The following ATP2A1 variants were observed in gnomAD, a reference collection of about 807,000 sequenced individuals.
ATP2A1 encodes ATPase sarcoplasmic/endoplasmic reticulum Ca2+ transporting 1.
A neutral mutation model predicts 109.5 loss-of-function variants in ATP2A1; 83 were observed. That is an observed-to-expected ratio of 0.76 (90% CI 0.63 to 0.91). ATP2A1 has a LOEUF of 0.91. Ranked by LOEUF, ATP2A1 falls within the 40% of genes least tolerant of loss-of-function variation. ATP2A1 has a pLI of 0.00. For synonymous variants in ATP2A1, 505 were observed against 537.6 expected (o/e 0.94, Z 0.84); for missense variants, 1,101 against 1,341.0 (o/e 0.82, Z 2.80).
intron 10 of ATP2A1, 100 bp from the exon 11 acceptor site, chr16:28,894,405 C>A (rs866473543): frequency 7.5e-7 from 1 of 1,336,916 alleles, no homozygotes; most frequent in Admixed American, 2.0e-5. Context: ...CACTGTCCTT[C>A]CTTACCCTCT....
chr16:28,884,295 G>C (rs1963561150), intron 5 of ATP2A1, among the ~76,000 whole-genome samples: 1 of 152,132 alleles, frequency 6.6e-6, no homozygotes, highest in Non-Finnish European at 1.5e-5. Flanking sequence ...CCTTCTCAGG[G>C]CTCACAGCCA....
rs199562943 is a variant in ATP2A1 at position 28,903,685 on chromosome 16, C to A, written c.2981-15C>A. 8.7e-6 allele frequency: 14 copies of A among 1,612,350 alleles called. No individual in the cohort carries two copies. Among genetic ancestry groups the A allele is most frequent in the African/African-American group, 4.0e-5 (3 of 74,886 alleles). ...CTGCCTTGATAACAGTGCCTCTTGT[C>A]CTCTCTGGCCATAGGATAACTGTTC... On this transcript the variant is annotated splice_polypyrimidine_tract_variant and intron_variant, in intron 21 of 22. Transcript: ENST00000395503. This position sits in a 1 kb window ranked among gnomAD's most constrained non-coding sequence, Gnocchi z 5.6.
intron 5 of ATP2A1, among the ~76,000 whole-genome samples, chr16:28,884,254 T>C (rs180712438): frequency 3.7e-4 from 56 of 152,268 alleles, no homozygotes; most frequent in Middle Eastern, 3.4e-3. Flanking sequence ...ATTGAGCATG[T>C]ACTATGTGCT....
chr16:28,884,469 C>G lies in ATP2A1; in HGVS notation c.464-106C>G. On this transcript the variant is annotated intron_variant, in intron 5 of 22. Coordinates refer to ENST00000395503, the MANE Select transcript of ATP2A1 (RefSeq NM_004320.6). ...CAAGCCCTGGGAGCCTCCCTGAGAC[C>G]TGAAGGATGGATGAGGAGAACGAGT... 2.6e-6 allele frequency: 3 copies of G among 1,145,818 alleles called. No homozygotes were observed. In the South Asian group the frequency reaches 3.8e-5, roughly 15 times the overall value. 71.0% of individuals were successfully genotyped at this position (1,145,818 alleles called of 1,614,324 possible). A position where few individuals can be genotyped will look rare whatever the true frequency, so the allele number is the denominator to read the frequency against.
chr16:28,903,200 C>CGG lies in ATP2A1; in HGVS notation c.2862+55_2862+56dup. On this transcript the variant is annotated intron_variant, in intron 20 of 22. Coordinates refer to ENST00000395503, the MANE Select transcript of ATP2A1 (RefSeq NM_004320.6). The surrounding 1 kb of genome is among the most constrained non-coding windows in gnomAD (Gnocchi z 5.6). ...CACCCCAGCACTGGGGAGCCCACGG[C>CGG]GGGCCCATGACCACTCCCACCAGGG... The CGG allele has an allele frequency of 6.2e-7, 1 of 1,601,374 alleles. No homozygotes were observed. Among genetic ancestry groups the CGG allele is most frequent in the Non-Finnish European group, 8.5e-7 (1 of 1,169,594 alleles).
At position 28,883,466 on chromosome 16, in the gene ATP2A1, G is replaced by A. The variant is rs535613836; in HGVS notation, c.463+877G>A. Among the ~76,000 whole-genome samples, 4 of 152,148 alleles carry A rather than the reference G, an allele frequency of 2.6e-5. No individual in the cohort carries two copies. Among genetic ancestry groups the A allele is most frequent in the African/African-American group, 9.6e-5 (4 of 41,506 alleles). On this transcript the variant is annotated intron_variant, in intron 5 of 22. Transcript: ENST00000395503. This position sits in a 1 kb window ranked among gnomAD's most constrained non-coding sequence, Gnocchi z 5.2. ...AGGGTGTCCCGCCCGACTCTATCCC[G>A]ACCTCCCTCCTCCCTCCTCGGTCCA...
Position 28,902,243 on chromosome 16 carries a change from G to A in ATP2A1, c.2381G>A (p.Trp794Ter). Residue 794 changes from tryptophan (W) to a stop codon, truncating the protein, a stop_gained, in exon 17 of 23, where the codon TGG (tryptophan) becomes TAG (stop). Coordinates refer to ENST00000395503, the MANE Select transcript of ATP2A1 (RefSeq NM_004320.6). LOFTEE classifies it high-confidence loss of function. The surrounding 1 kb of genome is among the most constrained non-coding windows in gnomAD (Gnocchi z 4.8). ...GCCCTGATCCCGGTGCAGCTGCTATGGGTGAACTTGGTGACCGACGGGCTC... is the reference window on the plus strand; with the variant it reads ...GCCCTGATCCCGGTGCAGCTGCTATAGGTGAACTTGGTGACCGACGGGCTC... The part of the protein sequence containing the change: ...PEALIPVQLL[W>*]VNLVTDGLPA... The A allele has an allele frequency of 6.2e-7, 1 of 1,614,118 alleles. No homozygotes were observed. The highest frequency in any genetic ancestry group is 8.5e-7 in the Non-Finnish European group (1 of 1,180,006).
chr16:28,881,033 C>G lies in ATP2A1; in HGVS notation c.324+14C>G. 6.2e-7 allele frequency: 1 copy of G among 1,609,474 alleles called. No homozygotes were observed. Among genetic ancestry groups the G allele is most frequent in the Non-Finnish European group, 8.5e-7 (1 of 1,175,748 alleles). ...GGGGTTTGGCAGGTTAGCGTTGACC[C>G]TTCCTTACCCCTTCATGTCCCAACA... On this transcript the variant is annotated intron_variant, in intron 4 of 22. Transcript: ENST00000395503.
rs201334168 is a variant in ATP2A1 at position 28,878,660 on chromosome 16, G to A, written c.-12G>A. Reference sequence around the variant, plus strand: ...GGAACACACCGGCCCCGGCCCCCAGGAAGGGAGCACAATGGAGGCCGCTCA... The same window carrying A: ...GGAACACACCGGCCCCGGCCCCCAGAAAGGGAGCACAATGGAGGCCGCTCA... On this transcript the variant is annotated 5_prime_UTR_variant, in exon 1 of 23. Transcript: ENST00000395503. The A allele has an allele frequency of 1.1e-4, 180 of 1,588,176 alleles. No individual in the cohort carries two copies. In the East Asian group the frequency reaches 4.0e-3, roughly 36 times the overall value.
At position 28,878,763 on chromosome 16, in the gene ATP2A1, G is replaced by A. The variant is rs1596658318; in HGVS notation, c.92G>A (p.Arg31Gln). ...GGCCTCACCCCGGACCAAGTTAAGC[G>A]GAATCTGGAGAAATACGGCCTCAAT... ...TTGLTPDQVK[R>Q]NLEKYGLNEL... The change falls in exon 1 of 23, where the codon CGG becomes CAG. Residue 31 changes from arginine to glutamine, a missense_variant. Coordinates refer to ENST00000395503, the MANE Select transcript of ATP2A1 (RefSeq NM_004320.6). The A allele has an allele frequency of 3.7e-6, 6 of 1,613,952 alleles. No homozygotes were observed. Among genetic ancestry groups the A allele is most frequent in the South Asian group, 1.1e-5 (1 of 91,042 alleles).
chr16:28,887,822 A>T (rs1963656658), intron 8 of ATP2A1, 100 bp downstream of exon 8: 1 of 1,459,630 alleles, frequency 6.9e-7, no homozygotes, highest in African/African-American at 1.4e-5. Flanking sequence ...GTTTTTTGAG[A>T]TGGAGTCTTG....
Position 28,898,137 on chromosome 16 carries a change from G to A in ATP2A1, c.1545+12G>A, listed in dbSNP as rs1963969273. The A allele has an allele frequency of 6.2e-7, 1 of 1,614,154 alleles. No individual in the cohort carries two copies. The highest frequency in any genetic ancestry group is 1.1e-5 in the South Asian group (1 of 91,080). Reference sequence around the variant, plus strand: ...AGATGTTTGTCAAGGTCAGAAATCGGAATGTGCCTCAGCCCCCTCTTCTTC... The same window carrying A: ...AGATGTTTGTCAAGGTCAGAAATCGAAATGTGCCTCAGCCCCCTCTTCTTC... On this transcript the variant is annotated intron_variant, in intron 13 of 22. Coordinates refer to ENST00000395503, the MANE Select transcript of ATP2A1 (RefSeq NM_004320.6). This position sits in a 1 kb window ranked among gnomAD's most constrained non-coding sequence, Gnocchi z 4.0.
intron 3 of ATP2A1, 196 bp downstream of exon 3, chr16:28,879,779 T>G (rs1372657040): frequency 3.8e-5 from 28 of 737,758 alleles, no homozygotes; most frequent in South Asian, 2.5e-4. Context: ...GCAGGTTTTA[T>G]TTTAAGCTTT....
intron 12 of ATP2A1, among the ~76,000 whole-genome samples, chr16:28,895,726 G>A (rs1287132542): frequency 6.6e-5 from 10 of 151,820 alleles, no homozygotes; most frequent in Middle Eastern, 3.2e-3. Flanking sequence ...TTAGTTGGGT[G>A]TGGTGGTGCA....
chr16:28,892,058 C>T (rs1192709105), intron 9 of ATP2A1, among the ~76,000 whole-genome samples: 1 of 152,110 alleles, frequency 6.6e-6, no homozygotes, highest in Non-Finnish European at 1.5e-5. Context: ...AGGGAGTTCT[C>T]GCAGTGGGTC....
intron 1 of ATP2A1, 139 bp downstream of exon 1, chr16:28,878,928 G>C (rs1963360336): frequency 7.5e-7 from 1 of 1,327,752 alleles, no homozygotes; most frequent in Non-Finnish European, 1.1e-6. Flanking sequence ...GCAGGGGGAA[G>C]AAGATACTGA....
chr16:28,888,816 G>A lies in ATP2A1; in HGVS notation c.958G>A (p.Ala320Thr), dbSNP rs766101847. 9 of 1,613,974 alleles carry A rather than the reference G, an allele frequency of 5.6e-6. No homozygotes were observed. The highest frequency in any genetic ancestry group is 6.8e-6 in the Non-Finnish European group (8 of 1,179,976). ...TCCTGCAGTCATCACCACCTGCCTG[G>A]CCCTGGGTACCCGTCGGATGGCAAA... ...GLPAVITTCL[A>T]LGTRRMAKKN... is the part of the protein sequence containing the mutation. The change falls in exon 9 of 23, where the codon GCC (alanine) becomes ACC (threonine). Residue 320 changes from alanine (A) to threonine (T), a missense_variant. Physicochemically the swap from Ala to Thr is moderately conservative, Grantham distance 58. Transcript: ENST00000395503.
In ATP2A1 at chr16:28,894,818, T is replaced by C; in HGVS notation, c.1288-4T>C. 6.2e-7 allele frequency: 1 copy of C among 1,611,144 alleles called. No homozygotes were observed. The highest frequency in any genetic ancestry group is 8.5e-7 in the Non-Finnish European group (1 of 1,179,924). ...ACTTCCTCTTCCTCCTCTGCCCATC[T>C]CAGGCCAAAGGTGTCTATGAGAAGG... is the stretch of plus-strand genomic sequence containing the variant. On this transcript the variant is annotated splice_region_variant and splice_polypyrimidine_tract_variant and intron_variant, in intron 11 of 22. Transcript: ENST00000395503.
At position 28,887,692 on chromosome 16, in the gene ATP2A1, G is replaced by A. The variant is rs1401049227; in HGVS notation, c.898G>A (p.Val300Met). Residue 300 changes from valine to methionine, a missense_variant, in exon 8 of 23, where the codon GTG becomes ATG. By Grantham distance (21) the Val-to-Met change is conservative. Coordinates refer to ENST00000395503, the MANE Select transcript of ATP2A1 (RefSeq NM_004320.6). ...GGCCATCTACTACTTTAAGATTGCC[G>A]TGGCCTTGGCTGTGGCTGCCATCCC... ...RGAIYYFKIA[V>M]ALAVAAIPEG... is the part of the protein sequence containing the mutation. 8 of 1,614,048 alleles carry A rather than the reference G, an allele frequency of 5.0e-6. No individual in the cohort carries two copies. The highest frequency in any genetic ancestry group is 2.2e-5 in the East Asian group (1 of 44,894).
Sources: gnomAD v4.1 joint callset for allele counts (sites outside exome capture counted in the v4.1 genomes callset) on GRCh38, gnomAD v4.1.1 for gene constraint, Gnocchi (gnomAD v3.1) non-coding constraint, MANE v1.5 for transcripts, NCBI Gene and HGNC (gene_info 2026-07-23, HGNC 2026-07-21) for gene names.